FAIM2: variants seen among roughly 807,000 people sequenced by gnomAD.
FAIM2 encodes the protein protein lifeguard 2.
FAIM2 carries 27 observed loss-of-function variants against 47.4 expected under a neutral mutation model. The observed-to-expected ratio is 0.57, with a 90% CI of 0.42 to 0.78. The LOEUF is 0.78. Among genes scored for constraint, FAIM2 ranks in the 30% least tolerant of loss-of-function variants. The pLI, the probability that FAIM2 is intolerant of heterozygous loss-of-function variation, is 0.00. For missense variants in FAIM2, 311 were observed against 389.4 expected (o/e 0.80, Z 1.69); for synonymous variants, 156 against 159.3 (o/e 0.98, Z 0.16).
At chr12:49,887,776 C>T (rs1392409224) in intron 10 of FAIM2, among the ~76,000 whole-genome samples, 2 of 152,114 alleles carry the variant, frequency 1.3e-5, no homozygotes, top group African/African-American at 2.4e-5. Context: ...AGGCTGCTCC[C>T]GCCTCCCAGT....
intron 11 of FAIM2, among the ~76,000 whole-genome samples, chr12:49,877,952 ATG>A (rs570363633): frequency 3.0e-4 from 44 of 144,792 alleles, no homozygotes; most frequent in East Asian, 2.7e-3. Context: ...ATATGTGCGT[ATG>A]TGTGTGTATG....
intron 5 of FAIM2, among the ~76,000 whole-genome samples, chr12:49,896,715 A>G (rs1946939746): frequency 6.6e-6 from 1 of 152,238 alleles, no homozygotes; most frequent in Admixed American, 6.5e-5. Context: ...AAAGTGTTCC[A>G]GCCCCACTTC....
intron 4 of FAIM2, 118 bp downstream of exon 4, chr12:49,897,401 A>G: frequency 2.1e-6 from 2 of 952,108 alleles, no homozygotes; most frequent in South Asian, 3.0e-5. Context: ...GAGGAGGCCC[A>G]CTGCCCCACA....
In FAIM2 at chr12:49,878,666, ATG is replaced by A. The variant is rs556233541; in HGVS notation, c.802-8015_802-8014del. Among the ~76,000 whole-genome samples, 258 of 129,294 alleles carry A rather than the reference ATG, an allele frequency of 2.0e-3. 21 individuals carry two copies. The highest frequency in any genetic ancestry group is 0.02 in the South Asian group (74 of 3,772). The allele number at this position is 129,294 out of a possible 152,430, so 84.8% of individuals were successfully genotyped here. A position where few individuals can be genotyped will look rare whatever the true frequency, so the allele number is the denominator to read the frequency against. ...TGTATATATGTGCGCTTGTATGTGC[ATG>A]TGTGTATGTGTGTATATGTGAGTGT... On this transcript the variant is annotated intron_variant, in intron 11 of 11. Coordinates refer to ENST00000320634, the MANE Select transcript of FAIM2 (RefSeq NM_012306.4).
chr12:49,884,456 TG>T (rs1212454603), intron 11 of FAIM2, among the ~76,000 whole-genome samples: 1 of 152,122 alleles, frequency 6.6e-6, no homozygotes, highest in Non-Finnish European at 1.5e-5. Context: ...AATTGCAACG[TG>T]TTCCTATGTT....
intron 1 of FAIM2, chr12:49,901,690 T>G: frequency 5.8e-6 from 1 of 171,262 alleles, no homozygotes; most frequent in Non-Finnish European, 1.2e-5. Context: ...TGTCATTTAA[T>G]CTTCCTGAGA....
At chr12:49,890,602 C>T in intron 7 of FAIM2, 81 bp downstream of exon 7, 1 of 1,369,960 alleles carries the variant, frequency 7.3e-7, no homozygotes, top group South Asian at 1.2e-5. Context: ...GCCCAGTCTT[C>T]CTGGTCCTCA....
chr12:49,900,067 G>T, intron 2 of FAIM2: 1 of 465,388 alleles, frequency 2.1e-6, no homozygotes, highest in Non-Finnish European at 3.7e-6. Context: ...AAGCCCAGGT[G>T]GCCAGGCCAC....
chr12:49,893,545 T>C (rs1167948695), intron 5 of FAIM2, among the ~76,000 whole-genome samples: 1 of 152,150 alleles, frequency 6.6e-6, no homozygotes, highest in Non-Finnish European at 1.5e-5. Flanking sequence ...TGGTAGGTGC[T>C]CTTCAAATAT....
Position 49,891,657 on chromosome 12 carries a change from T to TA in FAIM2, c.435-544dup, listed in dbSNP as rs145142172. Among the ~76,000 whole-genome samples the TA allele has an allele frequency of 2.6e-3, 399 of 152,222 alleles. 4 individuals are homozygous for TA. Among genetic ancestry groups the TA allele is most frequent in the African/African-American group, 9.1e-3 (376 of 41,534 alleles). ...ACAGGCCCTTCTCAACCCTTATCAT[T>TA]ACCTGGAGTGATCTTGTTAGTTACT... On this transcript the variant is annotated intron_variant, in intron 5 of 11. Transcript: ENST00000320634.
intron 2 of FAIM2, among the ~76,000 whole-genome samples, chr12:49,898,720 G>A (rs1946959865): frequency 6.6e-6 from 1 of 152,082 alleles, no homozygotes; most frequent in Admixed American, 6.5e-5. Flanking sequence ...TAGGGATGGG[G>A]TTTCACCATG....
intron 11 of FAIM2, among the ~76,000 whole-genome samples, chr12:49,885,040 G>A (rs897876554): frequency 6.6e-6 from 1 of 152,224 alleles, no homozygotes; most frequent in African/African-American, 2.4e-5. Flanking sequence ...AAGTCTTACA[G>A]CCTCAGGGCT....
chr12:49,881,357 T>A (rs1946824625), intron 11 of FAIM2, among the ~76,000 whole-genome samples: 1 of 152,128 alleles, frequency 6.6e-6, no homozygotes, highest in African/African-American at 2.4e-5. Context: ...AGTGAAGAGG[T>A]CTATTCCCAT....
At chr12:49,885,860 G>A (rs1946857431) in intron 11 of FAIM2, among the ~76,000 whole-genome samples, 1 of 152,126 alleles carries the variant, frequency 6.6e-6, no homozygotes, top group Non-Finnish European at 1.5e-5. Context: ...AGGCATCTGG[G>A]CAGCCGTGCT....
chr12:49,880,416 GTA>G (rs1592787542), intron 11 of FAIM2, among the ~76,000 whole-genome samples: 3 of 151,504 alleles, frequency 2.0e-5, no homozygotes, highest in East Asian at 3.9e-4. Context: ...ATGTGCATGT[GTA>G]TATGTGCATA....
chr12:49,877,071 C>T (rs1302041093), intron 11 of FAIM2, among the ~76,000 whole-genome samples: 2 of 152,230 alleles, frequency 1.3e-5, no homozygotes, highest in Non-Finnish European at 1.5e-5. Context: ...GTGCCTCTTC[C>T]TGGCTCTGCT....
At chr12:49,888,693 G>A (rs1946878215) in intron 10 of FAIM2, among the ~76,000 whole-genome samples, 1 of 152,182 alleles carries the variant, frequency 6.6e-6, no homozygotes, top group Non-Finnish European at 1.5e-5. Flanking sequence ...TGGCCAGCTA[G>A]ATTCTGCCTC....
intron 5 of FAIM2, among the ~76,000 whole-genome samples, chr12:49,893,121 C>T (rs1037953273): frequency 1.3e-5 from 2 of 152,218 alleles, no homozygotes; most frequent in South Asian, 4.1e-4. Flanking sequence ...ACCTGCCTTC[C>T]ACCCTCCATG....
At position 49,878,905 on chromosome 12, in the gene FAIM2, T is replaced by C. The variant is rs905804189; in HGVS notation, c.802-8252A>G. 1.0e-4 allele frequency among the ~76,000 whole-genome samples: 14 copies of C among 133,672 alleles called. 3 individuals are homozygous for C. Among genetic ancestry groups the C allele is most frequent in the Non-Finnish European group, 2.2e-4 (14 of 63,760 alleles). 87.7% of individuals were successfully genotyped at this position (133,672 alleles called of 152,430 possible). Reference sequence around the variant, plus strand: ...ATGCATGTGTATATGTGCATGTGTATGCGTGTGAGTGCATGTGTGTATATG... The same window carrying C: ...ATGCATGTGTATATGTGCATGTGTACGCGTGTGAGTGCATGTGTGTATATG... On this transcript the variant is annotated intron_variant, in intron 11 of 11. Coordinates refer to ENST00000320634, the MANE Select transcript of FAIM2 (RefSeq NM_012306.4).
Sources: allele counts gnomAD v4.1 joint callset (sites outside exome capture counted in the v4.1 genomes callset), GRCh38; gene constraint gnomAD v4.1.1; transcripts MANE v1.5; gene names NCBI Gene and HGNC (gene_info 2026-07-23, HGNC 2026-07-21).